The following EIF4G3 variants were observed in gnomAD, a reference collection of about 807,000 sequenced individuals.
EIF4G3 encodes eukaryotic translation initiation factor 4 gamma 3, also known as eIF-4-gamma 3.
In EIF4G3, 34 loss-of-function variants were observed where a neutral mutation model predicts 186.4. The ratio of observed to expected loss-of-function variants is 0.18; its 90% CI spans 0.14 to 0.24. EIF4G3 has a LOEUF of 0.24. EIF4G3 is among the 10% of genes least tolerant of loss of function. The pLI is 1.00. For missense variants in EIF4G3, 1,536 were observed against 1,948.5 expected, an observed-to-expected ratio of 0.79 and a Z score of 3.99; for synonymous variants, 673 against 679.5, an observed-to-expected ratio of 0.99 and a Z score of 0.15.
At chr1:20,849,056 A>G (rs1322999307) in intron 29 of EIF4G3, among the ~76,000 whole-genome samples, 2 of 149,414 alleles carry the variant, frequency 1.3e-5, no homozygotes, top group African/African-American at 2.5e-5. Flanking sequence ...CAAAAAAAAA[A>G]AAAAAAAAAA....
At chr1:20,898,727 A>ACTTT (rs749034711) in intron 16 of EIF4G3, among the ~76,000 whole-genome samples, 1 of 151,956 alleles carries the variant, frequency 6.6e-6, no homozygotes, top group African/African-American at 2.4e-5. Flanking sequence ...CCTACTCCAA[A>ACTTT]CTTTCTTTCT....
At position 20,807,204 on chromosome 1, in the gene EIF4G3, C is replaced by T; in HGVS notation, c.*115G>A. The T allele has an allele frequency of 2.2e-6, 2 of 911,548 alleles. No homozygotes were observed. The highest frequency in any genetic ancestry group is 2.5e-5 in the Admixed American group (1 of 40,056). The allele number at this position is 911,548 out of a possible 1,614,324, so 56.5% of individuals were successfully genotyped here. A position where few individuals can be genotyped will look rare whatever the true frequency, so the allele number is the denominator to read the frequency against. On this transcript the variant is annotated 3_prime_UTR_variant, in exon 37 of 37. Transcript: ENST00000602326. ...CTCTTTCCCCTCTCCCACTCGTGCACACGTGGGGGTTTCTGCGAGAATTGG... is the reference window on the plus strand; with the variant it reads ...CTCTTTCCCCTCTCCCACTCGTGCATACGTGGGGGTTTCTGCGAGAATTGG...
intron 4 of EIF4G3, among the ~76,000 whole-genome samples, chr1:21,011,422 T>TA (rs999044847): frequency 6.6e-6 from 1 of 152,184 alleles, no homozygotes; most frequent in African/African-American, 2.4e-5. Context: ...CTAGTTTCCC[T>TA]AATGGTAATA....
At position 20,865,158 on chromosome 1, in the gene EIF4G3, A is replaced by G. The variant is rs781587552; in HGVS notation, c.2727T>C (p.Asp909=). The part of the protein sequence containing the change: ...KEFEKDKADD[D]VFEKKQKELE... ...GTTCTTTCTGCTTCTTCTCAAAGAC[A>G]TCATCATCTGCTTTATCTTTTTCAA... The change falls in exon 21 of 37, where the codon GAT becomes GAC. Residue 909 remains aspartate (D), a synonymous_variant. Coordinates refer to ENST00000602326, the MANE Select transcript of EIF4G3 (RefSeq NM_001391906.1). The G allele has an allele frequency of 6.2e-7, 1 of 1,613,996 alleles. No homozygotes were observed. The highest frequency in any genetic ancestry group is 1.3e-5 in the African/African-American group (1 of 74,914).
At chr1:20,901,509 A>G (rs1484549587) in intron 15 of EIF4G3, among the ~76,000 whole-genome samples, 1 of 152,176 alleles carries the variant, frequency 6.6e-6, no homozygotes, top group Non-Finnish European at 1.5e-5. Context: ...TTTTTTTTAG[A>G]GAATACAGTG....
chr1:20,909,641 G>GT (rs928546495), intron 14 of EIF4G3, among the ~76,000 whole-genome samples: 43 of 151,568 alleles, frequency 2.8e-4, no homozygotes, highest in East Asian at 1.9e-3. Context: ...GTTTTATACT[G>GT]TTTTTTTTGT....
chr1:21,170,469 G>A (rs938399310), intron 2 of EIF4G3, among the ~76,000 whole-genome samples: 26 of 151,830 alleles, frequency 1.7e-4, no homozygotes, highest in African/African-American at 5.8e-4. Context: ...TCAGGAGTTC[G>A]AGAACAGCCT....
chr1:21,029,052 C>A (rs985802526), intron 4 of EIF4G3, among the ~76,000 whole-genome samples: 1 of 151,896 alleles, frequency 6.6e-6, no homozygotes, highest in Non-Finnish European at 1.5e-5. Flanking sequence ...CTGGCCCAAA[C>A]AAAGTCTCGC....
rs201305389 is a variant in EIF4G3, at chr1:20,981,561, T to C, written c.199-334A>G. 4.9e-5 allele frequency among the ~76,000 whole-genome samples: 7 copies of C among 142,546 alleles called. No homozygotes were observed. In the East Asian group the frequency reaches 1.0e-3, roughly 20 times the overall value. The allele number at this position is 142,546 out of a possible 152,430, so 93.5% of individuals were successfully genotyped here. A position where few individuals can be genotyped will look rare whatever the true frequency, so the allele number is the denominator to read the frequency against. On this transcript the variant is annotated intron_variant, in intron 8 of 36. Transcript: ENST00000602326. ...CGCACATACTGTATGTATACATACA[T>C]ACATGTATACGCACATACTGTATGT...
chr1:21,117,736 T>TAAAAAAAAAAAAAAGAAAAAAAA (rs2096850613), intron 2 of EIF4G3, among the ~76,000 whole-genome samples: 1 of 73,088 alleles, frequency 1.4e-5, no homozygotes. Flanking sequence ...CAGTATATAG[T>TAAAAAAAAAAAAAAGAAAAAAAA]AAAAAAAAAA....
At chr1:20,993,382 GTAAC>G (rs2081541196) in intron 7 of EIF4G3, among the ~76,000 whole-genome samples, 1 of 152,132 alleles carries the variant, frequency 6.6e-6, no homozygotes, top group African/African-American at 2.4e-5. Flanking sequence ...TTGAATTCAA[GTAAC>G]TCCATCTTAC....
Position 21,176,225 on chromosome 1 carries a change from G to GACCGCTGCC in EIF4G3, c.-331_-323dup, listed in dbSNP as rs2098101211. 2.4e-6 allele frequency: 1 copy of GACCGCTGCC among 414,880 alleles called. No individual in the cohort carries two copies. The highest frequency in any genetic ancestry group is 2.2e-5 in the African/African-American group (1 of 45,190). The allele number at this position is 414,880 out of a possible 1,614,324, so 25.7% of individuals were successfully genotyped here. A position where few individuals can be genotyped will look rare whatever the true frequency, so the allele number is the denominator to read the frequency against. The stretch of plus-strand genomic sequence containing the variant: ...CCCTGATGTTCGGGTGAGGAGGGGG[G>GACCGCTGCC]ACCGCTGCCGCCGCCGCCGCCGCCG... On this transcript the variant is annotated 5_prime_UTR_variant, in exon 2 of 37. Transcript: ENST00000602326.
chr1:21,023,336 C>A (rs2091275013), intron 4 of EIF4G3, among the ~76,000 whole-genome samples: 1 of 146,546 alleles, frequency 6.8e-6, no homozygotes, highest in Non-Finnish European at 1.5e-5. Context: ...CTGGACTGTA[C>A]TGCTGCCATC....
chr1:20,859,524 A>G (rs1224623883), intron 24 of EIF4G3, among the ~76,000 whole-genome samples: 1 of 152,220 alleles, frequency 6.6e-6, no homozygotes, highest in African/African-American at 2.4e-5. Flanking sequence ...ACGTTCCTAA[A>G]CTTAGTAAAT....
At chr1:21,118,555 G>A (rs2096868945) in intron 2 of EIF4G3, among the ~76,000 whole-genome samples, 1 of 152,152 alleles carries the variant, frequency 6.6e-6, no homozygotes, top group African/African-American at 2.4e-5. Context: ...GGGAGGCGGA[G>A]GCGGGCAGAT....
At chr1:21,026,486 A>G (rs1402726613) in intron 4 of EIF4G3, among the ~76,000 whole-genome samples, 1 of 151,824 alleles carries the variant, frequency 6.6e-6, no homozygotes, top group East Asian at 1.9e-4. Flanking sequence ...GGATTTGGCA[A>G]TGACTTCTTA....
At chr1:20,883,421 A>C (rs2083059739) in intron 19 of EIF4G3, among the ~76,000 whole-genome samples, 1 of 152,106 alleles carries the variant, frequency 6.6e-6, no homozygotes, top group Non-Finnish European at 1.5e-5. Flanking sequence ...GATAGAGACC[A>C]TCCTGGCTTA....
chr1:20,911,741 C>T (rs901141281), intron 14 of EIF4G3, among the ~76,000 whole-genome samples: 2 of 151,866 alleles, frequency 1.3e-5, no homozygotes, highest in African/African-American at 4.8e-5. Flanking sequence ...AGGTAGTCAT[C>T]CAAGTAAGTT....
chr1:21,036,671 G>A (rs1443884306), intron 4 of EIF4G3, among the ~76,000 whole-genome samples: 3 of 152,082 alleles, frequency 2.0e-5, no homozygotes, highest in African/African-American at 7.2e-5. Flanking sequence ...CTTGAGCTCA[G>A]GAGGTCAAGG....
Sources: gnomAD v4.1 joint callset for allele counts (sites outside exome capture counted in the v4.1 genomes callset) on GRCh38, gnomAD v4.1.1 for gene constraint, MANE v1.5 for transcripts, NCBI Gene and HGNC (gene_info 2026-07-23, HGNC 2026-07-21) for gene names.